ABCA1: variants seen among roughly 807,000 people sequenced by gnomAD.
The protein encoded by ABCA1 is ATP binding cassette subfamily A member 1, also known as phospholipid-transporting ATPase ABCA1.
Under a neutral mutation model 262.5 loss-of-function variants are expected in ABCA1, and 133 were observed. The ratio of observed to expected loss-of-function variants is 0.51; its 90% CI spans 0.44 to 0.59. The LOEUF (loss-of-function observed/expected upper bound fraction) is 0.59, where lower values mean the gene tolerates loss of function less well. Ranked by LOEUF, ABCA1 falls within the 20% of genes least tolerant of loss-of-function variation. ABCA1 has a pLI of 0.00. For missense variants in ABCA1, 2,452 were observed against 2,777.5 expected (o/e 0.88, Z 2.63); for synonymous variants, 1,022 against 1,043.5 (o/e 0.98, Z 0.40).
At position 104,927,145 on chromosome 9, in the gene ABCA1, G is replaced by A. The variant is rs142747089; in HGVS notation, c.-93+790C>T. On this transcript the variant is annotated intron_variant, in intron 1 of 49. Transcript: ENST00000374736. ...GAATCGCTTGAACCCGGGAGGCGGAGGTTGCAGTGAGCGGAGATCGTTCCA... is the reference window on the plus strand; with the variant it reads ...GAATCGCTTGAACCCGGGAGGCGGAAGTTGCAGTGAGCGGAGATCGTTCCA... Among the ~76,000 whole-genome samples the A allele has an allele frequency of 1.5e-3, 227 of 151,984 alleles. 2 individuals carry two copies. The highest frequency in any genetic ancestry group is 5.2e-3 in the African/African-American group (215 of 41,462).
intron 3 of ABCA1, among the ~76,000 whole-genome samples, chr9:104,886,232 G>A (rs1839161130): frequency 1.3e-5 from 2 of 152,112 alleles, no homozygotes; most frequent in South Asian, 4.2e-4. Flanking sequence ...CTCCAAAGTG[G>A]GAACCTTGTT....
intron 20 of ABCA1, 150 bp downstream of exon 20, chr9:104,821,225 G>C (rs1832310094): frequency 1.8e-6 from 2 of 1,126,164 alleles, no homozygotes; most frequent in Non-Finnish European, 2.4e-6. Flanking sequence ...CCTGGCTACA[G>C]AGCGAGACTC....
chr9:104,838,914 T>C (rs1834101258), intron 9 of ABCA1, among the ~76,000 whole-genome samples: 1 of 151,884 alleles, frequency 6.6e-6, no homozygotes, highest in Non-Finnish European at 1.5e-5. Context: ...GGAGATGGGA[T>C]TTAATTAAAG....
At chr9:104,868,162 C>T (rs1383256603) in intron 5 of ABCA1, among the ~76,000 whole-genome samples, 1 of 152,108 alleles carries the variant, frequency 6.6e-6, no homozygotes, top group Non-Finnish European at 1.5e-5. Context: ...AAGTTCGAGA[C>T]CAGCCTGACC....
chr9:104,882,056 A>AAAAAAAAAAC (rs910844455), intron 5 of ABCA1, among the ~76,000 whole-genome samples: 3 of 144,538 alleles, frequency 2.1e-5, no homozygotes, highest in Non-Finnish European at 4.6e-5. Flanking sequence ...AAAAAAAAAA[A>AAAAAAAAAAC]ACTCAAATCT....
At chr9:104,890,996 A>C (rs1280852189) in intron 2 of ABCA1, among the ~76,000 whole-genome samples, 1 of 152,136 alleles carries the variant, frequency 6.6e-6, no homozygotes, top group East Asian at 1.9e-4. Context: ...TGCAGCATAT[A>C]TACTTTTGTA....
At chr9:104,803,367 T>C (rs373529202) in intron 32 of ABCA1, 51 bp from the exon 33 acceptor site, 1 of 1,557,760 alleles carries the variant, frequency 6.4e-7, no homozygotes, top group Non-Finnish European at 8.9e-7. Flanking sequence ...ACTGAGCCTA[T>C]TCCTAATGAT....
chr9:104,898,784 T>C (rs1840430126), intron 2 of ABCA1, among the ~76,000 whole-genome samples: 2 of 152,058 alleles, frequency 1.3e-5, no homozygotes, highest in African/African-American at 2.4e-5. Context: ...TCTAAGCCTC[T>C]GATCTTTGCC....
At chr9:104,819,485 C>T in intron 22 of ABCA1, 101 bp downstream of exon 22, 1 of 1,529,810 alleles carries the variant, frequency 6.5e-7, no homozygotes, top group East Asian at 2.3e-5. Flanking sequence ...AAGAGTATCC[C>T]ATGGCTTCAC....
chr9:104,885,186 A>C (rs1284929452), intron 3 of ABCA1, among the ~76,000 whole-genome samples: 1 of 152,210 alleles, frequency 6.6e-6, no homozygotes, highest in Non-Finnish European at 1.5e-5. Flanking sequence ...CAGTGAGCCA[A>C]GATCGCGCCA....
chr9:104,869,484 C>T (rs1461941460), intron 5 of ABCA1, among the ~76,000 whole-genome samples: 1 of 152,136 alleles, frequency 6.6e-6, no homozygotes, highest in African/African-American at 2.4e-5. Flanking sequence ...CAAATACACT[C>T]CAGTGTCTTT....
chr9:104,811,023 C>G, intron 28 of ABCA1, 99 bp from the exon 29 acceptor site: 1 of 1,555,202 alleles, frequency 6.4e-7, no homozygotes. Flanking sequence ...GCCCACCTCC[C>G]CGACCAACCA....
intron 1 of ABCA1, among the ~76,000 whole-genome samples, chr9:104,924,893 G>A (rs911242314): frequency 6.6e-6 from 1 of 152,114 alleles, no homozygotes; most frequent in African/African-American, 2.4e-5. Context: ...CTCCAAAAAG[G>A]TAAGTACTAC....
intron 2 of ABCA1, among the ~76,000 whole-genome samples, chr9:104,896,791 T>A (rs1178455563): frequency 7.3e-6 from 1 of 136,730 alleles, no homozygotes; most frequent in Non-Finnish European, 1.5e-5. Flanking sequence ...AGTACAGTAG[T>A]ATGGTCATAG....
At chr9:104,823,681 T>C (rs535933443) in intron 18 of ABCA1, among the ~76,000 whole-genome samples, 22 of 152,200 alleles carry the variant, frequency 1.4e-4, no homozygotes, top group African/African-American at 5.1e-4. Flanking sequence ...AAAGTTCTCC[T>C]GTGAGAGCAA....
chr9:104,909,872 C>G (rs1564290900), intron 1 of ABCA1, among the ~76,000 whole-genome samples: 1 of 152,104 alleles, frequency 6.6e-6, no homozygotes, highest in Non-Finnish European at 1.5e-5. Context: ...TTTGGCATAG[C>G]CAAAAGAAAA....
chr9:104,891,892 G>A (rs1342358030), intron 2 of ABCA1, among the ~76,000 whole-genome samples: 6 of 148,182 alleles, frequency 4.0e-5, no homozygotes, highest in Admixed American at 3.5e-4. Context: ...TTAAACCTGG[G>A]AAGCGGAGGT....
rs978644853 is a variant in ABCA1 at position 104,781,066 on chromosome 9, T to C, written c.*3249A>G. ...GACTCATTATATTACAACATAGAAA[T>C]ATGCATTTTAATACTTCATATAAAG... On this transcript the variant is annotated 3_prime_UTR_variant, in exon 50 of 50. Transcript: ENST00000374736. The C allele has an allele frequency of 1.3e-5, 2 of 152,672 alleles. No individual in the cohort carries two copies. The highest frequency in any genetic ancestry group is 1.3e-4 in the Admixed American group (2 of 15,284). The allele number at this position is 152,672 out of a possible 1,614,324, so 9.5% of individuals were successfully genotyped here. A position where few individuals can be genotyped will look rare whatever the true frequency, so the allele number is the denominator to read the frequency against.
At chr9:104,787,375 C>T (rs1389121653) in intron 46 of ABCA1, among the ~76,000 whole-genome samples, 1 of 151,646 alleles carries the variant, frequency 6.6e-6, no homozygotes, top group Non-Finnish European at 1.5e-5. Context: ...CCAGCTCACT[C>T]AGATTACCCT....
Sources: allele counts gnomAD v4.1 joint callset (sites outside exome capture counted in the v4.1 genomes callset), GRCh38; gene constraint gnomAD v4.1.1; transcripts MANE v1.5; gene names NCBI Gene and HGNC (gene_info 2026-07-23, HGNC 2026-07-21).